The following RFC3 variants were observed in gnomAD, a reference collection of about 807,000 sequenced individuals.
RFC3 encodes replication factor C subunit 3.
A neutral mutation model predicts 45.1 loss-of-function variants in RFC3; 41 were observed. The observed-to-expected ratio is 0.91, with a 90% CI of 0.71 to 1.18. RFC3 has a LOEUF of 1.18. Among genes scored for constraint, RFC3 ranks in the 50% most tolerant of loss-of-function variants. The probability of loss-of-function intolerance (pLI) is 0.00; values close to 1 mark genes in which losing one functional copy is unlikely to be tolerated. For synonymous variants in RFC3, 149 were observed against 144.0 expected (o/e 1.03, Z -0.25); for missense variants, 423 against 428.1 (o/e 0.99, Z 0.10).
intron 8 of RFC3, among the ~76,000 whole-genome samples, chr13:33,928,762 G>T (rs17080209): frequency 0.11 from 16,097 of 151,918 alleles, 1,135 homozygotes; most frequent in Admixed American, 0.21. Flanking sequence ...TCAGTTGCAC[G>T]CCATTCAGTG....
chr13:33,919,269 G>T (rs1484570594), intron 8 of RFC3, among the ~76,000 whole-genome samples: 1 of 151,818 alleles, frequency 6.6e-6, no homozygotes, highest in East Asian at 1.9e-4. Context: ...ACATGTATTT[G>T]ACTACTATTC....
At chr13:33,925,690 T>TATACAC (rs1555241905) in intron 8 of RFC3, among the ~76,000 whole-genome samples, 2 of 148,562 alleles carry the variant, frequency 1.3e-5, no homozygotes, top group Non-Finnish European at 3.0e-5. Context: ...TATGTATATA[T>TATACAC]ACACACACAC....
At chr13:33,972,568 C>T in the RFC3 span, among the ~76,000 whole-genome samples, 1 of 152,160 alleles carries the variant, frequency 6.6e-6, no homozygotes, top group Non-Finnish European at 1.5e-5. Flanking sequence ...CTACTTGGGT[C>T]TACCAGATGT....
intron 4 of RFC3, among the ~76,000 whole-genome samples, chr13:33,827,678 GAAC>G (rs1220618741): frequency 6.6e-6 from 1 of 152,064 alleles, no homozygotes; most frequent in Admixed American, 6.5e-5. Context: ...TACTTAAAAA[GAAC>G]AATAACTATG....
At chr13:33,888,005 A>G (rs2082537682) in intron 8 of RFC3, among the ~76,000 whole-genome samples, 1 of 152,184 alleles carries the variant, frequency 6.6e-6, no homozygotes, top group African/African-American at 2.4e-5. Context: ...TTTTGGTACC[A>G]GTACCATGCT....
chr13:33,950,524 C>G (rs965073439), intron 8 of RFC3, among the ~76,000 whole-genome samples: 1 of 152,190 alleles, frequency 6.6e-6, no homozygotes. Context: ...AGAAATACTC[C>G]TTTCACCAAA....
chr13:33,843,008 TTGAG>T (rs1320459383), intron 8 of RFC3, among the ~76,000 whole-genome samples: 1 of 152,202 alleles, frequency 6.6e-6, no homozygotes, highest in African/African-American at 2.4e-5. Context: ...TTTATCAGAA[TTGAG>T]TAATAGTACA....
intron 8 of RFC3, among the ~76,000 whole-genome samples, chr13:33,934,777 C>T (rs1183253430): frequency 2.6e-5 from 4 of 152,126 alleles, no homozygotes; most frequent in African/African-American, 9.7e-5. Flanking sequence ...TTGGTAATCT[C>T]CCTACTACTT....
chr13:33,973,160 A>G, the RFC3 span, among the ~76,000 whole-genome samples: 1 of 152,158 alleles, frequency 6.6e-6, no homozygotes, highest in Non-Finnish European at 1.5e-5. Flanking sequence ...GTGTGTATAT[A>G]TATATATACA....
intron 8 of RFC3, among the ~76,000 whole-genome samples, chr13:33,865,510 G>A (rs2137548241): frequency 6.6e-6 from 1 of 152,240 alleles, no homozygotes; most frequent in South Asian, 2.1e-4. Flanking sequence ...ATTCTTATGA[G>A]CAAAATCTAC....
At chr13:33,905,161 G>A (rs908803108) in intron 8 of RFC3, among the ~76,000 whole-genome samples, 1 of 151,236 alleles carries the variant, frequency 6.6e-6, no homozygotes, top group African/African-American at 2.4e-5. Context: ...AATCAGGATA[G>A]GCCTACAATC....
chr13:33,870,093 C>G (rs1465826023), intron 8 of RFC3, among the ~76,000 whole-genome samples: 2 of 152,092 alleles, frequency 1.3e-5, no homozygotes, highest in Admixed American at 1.3e-4. Context: ...AAGGTGTGCT[C>G]GGAATATTTT....
In RFC3 at chr13:33,836,924, T is replaced by A. The variant is rs1658202081; in HGVS notation, c.*629T>A. 3.0e-6 allele frequency: 3 copies of A among 984,968 alleles called. No individual in the cohort carries two copies. The highest frequency in any genetic ancestry group is 9.4e-5 in the South Asian group (2 of 21,292). 61.0% of individuals were successfully genotyped at this position (984,968 alleles called of 1,614,324 possible). On this transcript the variant is annotated 3_prime_UTR_variant, in exon 9 of 9. Transcript: ENST00000380071. ...AGTACTTGAGACTCTTGAAGAAAAT[T>A]CAGAATGAAGTTCTGGAGAAAGGTA...
At chr13:33,958,717 A>G (rs1004130514) in intron 8 of RFC3, among the ~76,000 whole-genome samples, 1 of 152,206 alleles carries the variant, frequency 6.6e-6, no homozygotes, top group Non-Finnish European at 1.5e-5. Context: ...AATGTCAAGT[A>G]TGTTTTTAAT....
At chr13:33,887,944 C>G (rs942415627) in intron 8 of RFC3, among the ~76,000 whole-genome samples, 10 of 152,032 alleles carry the variant, frequency 6.6e-5, no homozygotes, top group Non-Finnish European at 1.5e-4. Context: ...GTTGTAGATA[C>G]GCAGCATTAT....
intron 3 of RFC3, among the ~76,000 whole-genome samples, chr13:33,824,646 G>A (rs2082033005): frequency 1.3e-5 from 2 of 152,174 alleles, no homozygotes; most frequent in Admixed American, 6.5e-5. Flanking sequence ...GTGACATAGA[G>A]GCAAGAGTGA....
At chr13:33,946,275 G>A (rs909938939) in intron 8 of RFC3, among the ~76,000 whole-genome samples, 4 of 152,120 alleles carry the variant, frequency 2.6e-5, no homozygotes, top group African/African-American at 9.7e-5. Context: ...ATCCAAACCA[G>A]CTCAACCATT....
At chr13:33,961,804 G>A (rs1409210310) in intron 8 of RFC3, among the ~76,000 whole-genome samples, 1 of 152,232 alleles carries the variant, frequency 6.6e-6, no homozygotes, top group Non-Finnish European at 1.5e-5. Flanking sequence ...ATTGGAAATA[G>A]TGCTTTGGAA....
intron 8 of RFC3, among the ~76,000 whole-genome samples, chr13:33,910,903 A>C (rs968461037): frequency 1.3e-5 from 2 of 151,930 alleles, no homozygotes; most frequent in African/African-American, 4.8e-5. Flanking sequence ...GGGAGGTGCC[A>C]CACACTTTTA....
Sources: gnomAD v4.1 joint callset for allele counts (sites outside exome capture counted in the v4.1 genomes callset) on GRCh38, gnomAD v4.1.1 for gene constraint, MANE v1.5 for transcripts, NCBI Gene and HGNC (gene_info 2026-07-23, HGNC 2026-07-21) for gene names.